DDX43: variants seen among roughly 807,000 people sequenced by gnomAD.
DDX43 encodes probable ATP-dependent RNA helicase DDX43.
Under a neutral mutation model 84.9 loss-of-function variants are expected in DDX43, and 50 were observed. The observed-to-expected ratio is 0.59, with a 90% CI of 0.47 to 0.75. The LOEUF (loss-of-function observed/expected upper bound fraction) is 0.75. DDX43 is among the 30% of genes least tolerant of loss of function. The pLI is 0.00. For missense variants in DDX43, 689 were observed against 798.6 expected, an observed-to-expected ratio of 0.86 and a Z score of 1.65; for synonymous variants, 291 against 266.3, an observed-to-expected ratio of 1.09 and a Z score of -0.90.
chr6:73,409,360 C>T lies in DDX43; in HGVS notation c.1280+12C>T, dbSNP rs777476367. 1 of 1,578,376 alleles carries T rather than the reference C, an allele frequency of 6.3e-7. No individual in the cohort carries two copies. Among genetic ancestry groups the T allele is most frequent in the Non-Finnish European group, 8.7e-7 (1 of 1,147,788 alleles). On this transcript the variant is annotated intron_variant, in intron 10 of 16. Coordinates refer to ENST00000370336, the MANE Select transcript of DDX43 (RefSeq NM_018665.3). ...ACAGTTATGACCAGGTACGTATATG[C>T]TTAATTACTGTGTGCAGAATAGAAA...
Position 73,415,535 on chromosome 6 carries a change from A to T in DDX43, c.1784A>T (p.Asp595Val). The T allele has an allele frequency of 6.2e-7, 1 of 1,613,592 alleles. No individual in the cohort carries two copies. Among genetic ancestry groups the T allele is most frequent in the Non-Finnish European group, 8.5e-7 (1 of 1,179,690 alleles). ...GVSITTLTRN[D>V]WRVASELINI... ...TCCATTACAACTTTGACTAGAAATGATTGGAGGGTTGCCTCTGAATTGATT... is the reference window on the plus strand; with the variant it reads ...TCCATTACAACTTTGACTAGAAATGTTTGGAGGGTTGCCTCTGAATTGATT... Residue 595 changes from aspartate to valine, a missense_variant, in exon 15 of 17, where the codon GAT becomes GTT. This residue lies in a region of DDX43 where 552 missense variants were observed against 692.7 expected (regional missense o/e 0.80). Transcript: ENST00000370336.
chr6:73,403,429 C>A (rs1182688279), intron 4 of DDX43, among the ~76,000 whole-genome samples: 3 of 152,082 alleles, frequency 2.0e-5, no homozygotes, highest in Non-Finnish European at 4.4e-5. Flanking sequence ...GAGATTGCAT[C>A]ATTGCACTCC....
In DDX43 at chr6:73,397,649, T is replaced by A. The variant is rs200888948; in HGVS notation, c.251-40T>A. ...ATGGGTAAATTTTCAACTTACTAATTTCAACTTATAACAATATATTCCTTT... is the reference window on the plus strand; with the variant it reads ...ATGGGTAAATTTTCAACTTACTAATATCAACTTATAACAATATATTCCTTT... On this transcript the variant is annotated intron_variant, in intron 1 of 16. Transcript: ENST00000370336. The A allele has an allele frequency of 2.6e-6, 4 of 1,527,522 alleles. No homozygotes were observed. The East Asian group carries it at 9.1e-5, about 35-fold the overall frequency. 94.6% of individuals were successfully genotyped at this position (1,527,522 alleles called of 1,614,324 possible).
In DDX43 at chr6:73,400,349, C is replaced by T. The variant is rs768261109; in HGVS notation, c.422C>T (p.Ser141Leu). The T allele has an allele frequency of 3.1e-6, 5 of 1,605,876 alleles. No homozygotes were observed. In the South Asian group the frequency reaches 5.6e-5, roughly 18 times the overall value. ...AAAAAGCTAGAAGAAAATTACAATT[C>T]AGAATGCGGAATTGGTAAGTAATTT... is the stretch of plus-strand genomic sequence containing the variant. ...FVKKLEENYN[S>L]ECGIDTAFQP... is the part of the protein sequence containing the mutation. The change falls in exon 3 of 17, where the codon TCA (serine) becomes TTA (leucine). Residue 141 changes from serine to leucine, a missense_variant. By Grantham distance (145) the Ser-to-Leu change is moderately radical. Around this residue, in one of 2 missense-constraint regions of DDX43, gnomAD observed 552 missense variants for 692.7 expected, o/e 0.80. Coordinates refer to ENST00000370336, the MANE Select transcript of DDX43 (RefSeq NM_018665.3).
At chr6:73,413,459 T>C (rs1363033265) in intron 11 of DDX43, 199 bp from the exon 12 acceptor site, 2 of 438,986 alleles carry the variant, frequency 4.6e-6, no homozygotes, top group Non-Finnish European at 8.1e-6. Flanking sequence ...ATGGTACCAA[T>C]AGTATTTTGA....
intron 3 of DDX43, among the ~76,000 whole-genome samples, chr6:73,400,750 C>G (rs1231992771): frequency 6.6e-6 from 1 of 152,118 alleles, no homozygotes; most frequent in Non-Finnish European, 1.5e-5. Context: ...TCTTCAGATT[C>G]ATGGCTGACA....
At chr6:73,411,175 CAAAAAA>C (rs34679802) in intron 10 of DDX43, among the ~76,000 whole-genome samples, 7 of 49,292 alleles carry the variant, frequency 1.4e-4, no homozygotes, top group African/African-American at 3.3e-4. Context: ...GACTCCATCT[CAAAAAA>C]AAAAAAAAAA....
At chr6:73,400,194 G>A in intron 2 of DDX43, 40 bp from the exon 3 acceptor site, 1 of 1,539,074 alleles carries the variant, frequency 6.5e-7, no homozygotes, top group South Asian at 1.2e-5. Flanking sequence ...TGTTTTTTAG[G>A]GAAATTTTAA....
Position 73,405,693 on chromosome 6 carries a change from A to T in DDX43, c.665A>T (p.Asn222Ile), listed in dbSNP as rs1450329943. Residue 222 changes from asparagine to isoleucine, a missense_variant, in exon 6 of 17, where the codon AAT becomes ATT. Asn to Ile is a moderately radical substitution (Grantham distance 149). Around this residue, in one of 2 missense-constraint regions of DDX43, gnomAD observed 552 missense variants for 692.7 expected, o/e 0.80. Coordinates refer to ENST00000370336, the MANE Select transcript of DDX43 (RefSeq NM_018665.3). ...ATTCTTTGAAGGAAAGAAAATTTTA[A>T]TATAACGTGGGATGACTTGAAGGAT... is the stretch of plus-strand genomic sequence containing the variant. ...EADSWRKENF[N>I]ITWDDLKDGE... is the part of the protein sequence containing the mutation. 3.7e-6 allele frequency: 6 copies of T among 1,612,416 alleles called. No individual in the cohort carries two copies. Among genetic ancestry groups the T allele is most frequent in the Non-Finnish European group, 5.1e-6 (6 of 1,179,624 alleles).
chr6:73,395,266 G>A (rs1769443000), intron 1 of DDX43, 111 bp downstream of exon 1: 2 of 1,317,150 alleles, frequency 1.5e-6, no homozygotes, highest in East Asian at 2.5e-5. Context: ...ACCTAGTGAG[G>A]TTCAGGTCTC....
intron 9 of DDX43, among the ~76,000 whole-genome samples, chr6:73,408,363 C>T (rs1769720005): frequency 6.6e-6 from 1 of 151,796 alleles, no homozygotes; most frequent in Non-Finnish European, 1.5e-5. Flanking sequence ...ACCTGGGAGG[C>T]AGAGGTTGCA....
chr6:73,406,380 T>C lies in DDX43; in HGVS notation c.824T>C (p.Ile275Thr). The C allele has an allele frequency of 1.2e-6, 2 of 1,610,124 alleles. No individual in the cohort carries two copies. The highest frequency in any genetic ancestry group is 3.3e-4 in the Middle Eastern group (2 of 6,054). Residue 275 changes from isoleucine (I) to threonine (T), a missense_variant, in exon 7 of 17, where the codon ATT becomes ACT. Coordinates refer to ENST00000370336, the MANE Select transcript of DDX43 (RefSeq NM_018665.3). ...CCGTTTCAGTCACAGGCATGGCCCA[T>C]TGTGTTGCAAGGAATAGATCTTATA... The part of the protein sequence containing the change: ...PTPIQSQAWP[I>T]VLQGIDLIGV...
Position 73,409,082 on chromosome 6 carries a change from A to G in DDX43, c.1180-166A>G, listed in dbSNP as rs147296203. 1.2e-4 allele frequency among the ~76,000 whole-genome samples: 18 copies of G among 152,368 alleles called. No homozygotes were observed. The East Asian group carries it at 2.5e-3, about 21-fold the overall frequency. On this transcript the variant is annotated intron_variant, in intron 9 of 16. Transcript: ENST00000370336. ...CAAAAATCCATGTAGACAGTGTACAATGACAAATTGCTTAGTATTCTGACC... is the reference window on the plus strand; with the variant it reads ...CAAAAATCCATGTAGACAGTGTACAGTGACAAATTGCTTAGTATTCTGACC...
At chr6:73,412,664 T>TGCGC (rs1337455136) in intron 11 of DDX43, among the ~76,000 whole-genome samples, 66 of 88,824 alleles carry the variant, frequency 7.4e-4, no homozygotes, top group Non-Finnish European at 1.3e-3. Context: ...TGTGTGTGTG[T>TGCGC]GTGTGCGCGC....
intron 4 of DDX43, among the ~76,000 whole-genome samples, chr6:73,402,938 C>G (rs1412322772): frequency 6.6e-6 from 1 of 152,062 alleles, no homozygotes; most frequent in Non-Finnish European, 1.5e-5. Context: ...GGGGATAATG[C>G]TTCATTATTC....
In DDX43 at chr6:73,407,555, G is replaced by A. The variant is rs954853651; in HGVS notation, c.977G>A (p.Arg326Gln). The change falls in exon 8 of 17, where the codon CGG (arginine) becomes CAG (glutamine). Residue 326 changes from arginine to glutamine, a missense_variant. Coordinates refer to ENST00000370336, the MANE Select transcript of DDX43 (RefSeq NM_018665.3). ...GGCATGTTAGTTCTAACTCCCACTC[G>A]GGAATTAGCACTTCAAGTAGAAGGA... ...RPGMLVLTPT[R>Q]ELALQVEGEC... The A allele has an allele frequency of 6.8e-6, 11 of 1,613,854 alleles. No homozygotes were observed. Among genetic ancestry groups the A allele is most frequent in the Non-Finnish European group, 8.5e-6 (10 of 1,179,926 alleles).
intron 15 of DDX43, 35 bp from the exon 16 acceptor site, chr6:73,416,078 C>T (rs1769892441): frequency 1.8e-6 from 2 of 1,132,758 alleles, no homozygotes; most frequent in Non-Finnish European, 2.7e-6. Flanking sequence ...GAAAAGAACT[C>T]AGAATCCTAA....
chr6:73,412,638 A>ATAGTGTGTGTGTGTGTGTGTGT (rs376258603), intron 11 of DDX43, among the ~76,000 whole-genome samples: 2 of 59,632 alleles, frequency 3.4e-5, no homozygotes, highest in Non-Finnish European at 4.1e-5. Flanking sequence ...ATATATATAT[A>ATAGTGTGTGTGTGTGTGTGTGT]GTGTGTGTGT....
Position 73,407,564 on chromosome 6 carries a change from C to T in DDX43, c.986C>T (p.Ala329Val). The change falls in exon 8 of 17, where the codon GCA becomes GTA. Residue 329 changes from alanine (A) to valine (V), a missense_variant. By Grantham distance (64) the Ala-to-Val change is moderately conservative (BLOSUM62 0). Coordinates refer to ENST00000370336, the MANE Select transcript of DDX43 (RefSeq NM_018665.3). ...GTTCTAACTCCCACTCGGGAATTAG[C>T]ACTTCAAGTAGAAGGAGAATGTTGC... is the stretch of plus-strand genomic sequence containing the variant. ...MLVLTPTREL[A>V]LQVEGECCKY... The T allele has an allele frequency of 1.2e-6, 2 of 1,614,010 alleles. No individual in the cohort carries two copies. Among genetic ancestry groups the T allele is most frequent in the Non-Finnish European group, 1.7e-6 (2 of 1,179,888 alleles).
Sources: allele counts gnomAD v4.1 joint callset (sites outside exome capture counted in the v4.1 genomes callset), GRCh38; gene constraint gnomAD v4.1.1; regional missense constraint gnomAD v4.1.1; transcripts MANE v1.5; gene names NCBI Gene and HGNC (gene_info 2026-07-23, HGNC 2026-07-21).